The following IER3IP1 variants were observed in gnomAD, a reference collection of about 807,000 sequenced individuals.
IER3IP1 encodes the protein immediate early response 3-interacting protein 1.
Under a neutral mutation model 12.2 loss-of-function variants are expected in IER3IP1, and 16 were observed. The ratio of observed to expected loss-of-function variants is 1.31; its 90% confidence interval spans 0.89 to 1.99. The LOEUF (loss-of-function observed/expected upper bound fraction) is 1.99, where lower values mean the gene tolerates loss of function less well. IER3IP1 is among the 30% of genes most tolerant of loss of function. The probability of loss-of-function intolerance (pLI) is 0.00; values close to 1 mark genes in which losing one functional copy is unlikely to be tolerated. For missense variants in IER3IP1, 95 were observed against 95.8 expected (o/e 0.99, Z 0.03); for synonymous variants, 42 against 40.0 (o/e 1.05, Z -0.19).
At position 47,153,226 on chromosome 18, in the gene IER3IP1, T is replaced by C. The variant is rs1036123614; in HGVS notation, c.*2951A>G. On this transcript the variant is annotated 3_prime_UTR_variant, in exon 3 of 3. Transcript: ENST00000256433. ...GAAGGTGGGGGAACTCATTTAGCTT[T>C]TTATTTCAATAGCTTTAGGGGTACA... 1 of 152,202 alleles carries C rather than the reference T, an allele frequency of 6.6e-6. No homozygotes were observed. The highest frequency in any genetic ancestry group is 1.5e-5 in the Non-Finnish European group (1 of 68,094). 9.4% of individuals were successfully genotyped at this position (152,202 alleles called of 1,614,324 possible).
chr18:47,154,444 C>T lies in IER3IP1; in HGVS notation c.*1733G>A, dbSNP rs1395234825. The stretch of plus-strand genomic sequence containing the variant: ...CCTGATGGAATATTTGGACAAAATC[C>T]CAACACTGAATTAAGATGAAGGTAT... On this transcript the variant is annotated 3_prime_UTR_variant, in exon 3 of 3. Coordinates refer to ENST00000256433, the MANE Select transcript of IER3IP1 (RefSeq NM_016097.5). 2 of 152,158 alleles carry T rather than the reference C, an allele frequency of 1.3e-5. No individual in the cohort carries two copies. The highest frequency in any genetic ancestry group is 4.8e-5 in the African/African-American group (2 of 41,430). 9.4% of individuals were successfully genotyped at this position (152,158 alleles called of 1,614,324 possible). A position where few individuals can be genotyped will look rare whatever the true frequency, so the allele number is the denominator to read the frequency against.
rs1208664180 is a variant in IER3IP1 at position 47,168,141 on chromosome 18, A to T, written c.91+8046T>A. 1.8e-3 allele frequency among the ~76,000 whole-genome samples: 255 copies of T among 142,466 alleles called. 2 individuals carry two copies. Among genetic ancestry groups the T allele is most frequent in the African/African-American group, 6.7e-3 (253 of 37,854 alleles). 93.5% of individuals were successfully genotyped at this position (142,466 alleles called of 152,430 possible). ...ACTCCGTCTCAAAAAAAAAAAAAAA[A>T]AAAAAAAAAAAAAATTTTAGCTAGG... On this transcript the variant is annotated intron_variant, in intron 1 of 2. Coordinates refer to ENST00000256433, the MANE Select transcript of IER3IP1 (RefSeq NM_016097.5).
At position 47,155,301 on chromosome 18, in the gene IER3IP1, C is replaced by G. The variant is rs2063954510; in HGVS notation, c.*876G>C. On this transcript the variant is annotated 3_prime_UTR_variant, in exon 3 of 3. Coordinates refer to ENST00000256433, the MANE Select transcript of IER3IP1 (RefSeq NM_016097.5). ...ATTAAGAATCACACTCCACAATGTG[C>G]TGCTCCACCAAGAAATAGAAATGTA... is the stretch of plus-strand genomic sequence containing the variant. The G allele has an allele frequency of 6.6e-6, 1 of 152,198 alleles. No homozygotes were observed. Among genetic ancestry groups the G allele is most frequent in the African/African-American group, 2.4e-5 (1 of 41,446 alleles). 9.4% of individuals were successfully genotyped at this position (152,198 alleles called of 1,614,324 possible).
At position 47,156,188 on chromosome 18, in the gene IER3IP1, A is replaced by G. The variant is rs370448745; in HGVS notation, c.238T>C (p.Leu80=). 1.0e-5 allele frequency: 16 copies of G among 1,553,996 alleles called. No individual in the cohort carries two copies. The African/African-American group carries it at 1.9e-4, about 18-fold the overall frequency. Residue 80 remains leucine, a synonymous_variant, in exon 3 of 3, where the codon TTA becomes CTA. Transcript: ENST00000256433. Reference sequence around the variant, plus strand: ...TTCTCCACTGATATTCATCCAAATAATAAAAGTAACACAATTGCAATTGAG... The same window carrying G: ...TTCTCCACTGATATTCATCCAAATAGTAAAAGTAACACAATTGCAATTGAG... ...VNSIAIVLLL[L]FG
intron 1 of IER3IP1, among the ~76,000 whole-genome samples, chr18:47,167,892 C>T (rs1227094346): frequency 2.0e-5 from 3 of 151,652 alleles, no homozygotes; most frequent in South Asian, 2.1e-4. Context: ...AGGAAGCCGA[C>T]GCGGGTGGAT....
chr18:47,157,233 T>A (rs1355300669), intron 2 of IER3IP1: 1 of 602,582 alleles, frequency 1.7e-6, no homozygotes, highest in Non-Finnish European at 2.9e-6. Context: ...AGCATTCTAT[T>A]TGTACCAACT....
At chr18:47,167,993 G>GGCA (rs1385495139) in intron 1 of IER3IP1, among the ~76,000 whole-genome samples, 1 of 151,614 alleles carries the variant, frequency 6.6e-6, no homozygotes, top group Non-Finnish European at 1.5e-5. Flanking sequence ...GCGTGGTGGC[G>GGCA]GCAGCACCTG....
At chr18:47,169,309 A>G (rs79395141) in intron 1 of IER3IP1, among the ~76,000 whole-genome samples, 7,994 of 152,286 alleles carry the variant, frequency 0.052, 257 homozygotes, top group East Asian at 0.092. Context: ...TCTACAGTAT[A>G]GATATCTACA....
Position 47,155,931 on chromosome 18 carries a change from A to G in IER3IP1, c.*246T>C. ...CACCACAGCATGAACTACTATTAAC[A>G]CTGAGCAATCAGATATTCCAGTCCT... On this transcript the variant is annotated 3_prime_UTR_variant, in exon 3 of 3. Coordinates refer to ENST00000256433, the MANE Select transcript of IER3IP1 (RefSeq NM_016097.5). 2 of 451,526 alleles carry G rather than the reference A, an allele frequency of 4.4e-6. No individual in the cohort carries two copies. Among genetic ancestry groups the G allele is most frequent in the East Asian group, 7.9e-5 (2 of 25,398 alleles). The allele number at this position is 451,526 out of a possible 1,614,324, so 28.0% of individuals were successfully genotyped here. A position where few individuals can be genotyped will look rare whatever the true frequency, so the allele number is the denominator to read the frequency against.
intron 1 of IER3IP1, among the ~76,000 whole-genome samples, chr18:47,158,865 G>A (rs2063970263): frequency 6.6e-6 from 1 of 152,044 alleles, no homozygotes; most frequent in East Asian, 2.0e-4. Flanking sequence ...GGAGGCTGAG[G>A]TGAGAGGATC....
At chr18:47,164,678 A>C (rs1176969085) in intron 1 of IER3IP1, among the ~76,000 whole-genome samples, 2 of 151,750 alleles carry the variant, frequency 1.3e-5, no homozygotes, top group Non-Finnish European at 2.9e-5. Context: ...GCTACTCAGG[A>C]GGCTGAGGTG....
In IER3IP1 at chr18:47,155,222, A is replaced by G. The variant is rs1017200504; in HGVS notation, c.*955T>C. 2.6e-5 allele frequency: 4 copies of G among 152,228 alleles called. No individual in the cohort carries two copies. The highest frequency in any genetic ancestry group is 9.6e-5 in the African/African-American group (4 of 41,470). The allele number at this position is 152,228 out of a possible 1,614,324, so 9.4% of individuals were successfully genotyped here. On this transcript the variant is annotated 3_prime_UTR_variant, in exon 3 of 3. Coordinates refer to ENST00000256433, the MANE Select transcript of IER3IP1 (RefSeq NM_016097.5). ...TCTCACAAGATGGTCTGAGACATAA[A>G]AACAAAAGACAACCTATCCAGCATC... is the stretch of plus-strand genomic sequence containing the variant.
chr18:47,156,279 G>C (rs749939334), intron 2 of IER3IP1, 47 bp from the exon 3 acceptor site: 3 of 998,062 alleles, frequency 3.0e-6, no homozygotes. Context: ...AAAAAACAGA[G>C]AAAAAACCAG....
chr18:47,171,944 C>T (rs2064016835), intron 1 of IER3IP1, among the ~76,000 whole-genome samples: 1 of 151,990 alleles, frequency 6.6e-6, no homozygotes, highest in South Asian at 2.1e-4. Context: ...CCACACCCAG[C>T]TAATTTTTTG....
At position 47,152,842 on chromosome 18, in the gene IER3IP1, A is replaced by G. The variant is rs1055283431; in HGVS notation, c.*3335T>C. The G allele has an allele frequency of 3.3e-5, 5 of 152,248 alleles. No homozygotes were observed. The highest frequency in any genetic ancestry group is 9.6e-5 in the African/African-American group (4 of 41,458). The allele number at this position is 152,248 out of a possible 1,614,324, so 9.4% of individuals were successfully genotyped here. The stretch of plus-strand genomic sequence containing the variant: ...AATCAATGAGAAAGTGATTTGCTTC[A>G]TAAGAAACATTTTACTTAAGGAGAA... On this transcript the variant is annotated 3_prime_UTR_variant, in exon 3 of 3. Coordinates refer to ENST00000256433, the MANE Select transcript of IER3IP1 (RefSeq NM_016097.5).
intron 1 of IER3IP1, among the ~76,000 whole-genome samples, chr18:47,163,650 T>TAAGGAATGGGGCTCAGGTCGAG (rs1479847737): frequency 3.3e-5 from 5 of 152,204 alleles, no homozygotes; most frequent in African/African-American, 1.2e-4. Context: ...AGTTTGCTTC[T>TAAGGAATGGGGCTCAGGTCGAG]AAGGAATGGG....
intron 1 of IER3IP1, among the ~76,000 whole-genome samples, chr18:47,166,859 T>C (rs1239531774): frequency 3.9e-5 from 6 of 152,194 alleles, no homozygotes; most frequent in Non-Finnish European, 8.8e-5. Context: ...AAAACATATT[T>C]AGATATTTTT....
At chr18:47,160,860 T>C (rs1220704834) in intron 1 of IER3IP1, among the ~76,000 whole-genome samples, 2 of 152,214 alleles carry the variant, frequency 1.3e-5, no homozygotes, top group Non-Finnish European at 2.9e-5. Context: ...ATTTATTAAT[T>C]TTGAGTTGAG....
At chr18:47,167,115 G>C (rs182536008) in intron 1 of IER3IP1, among the ~76,000 whole-genome samples, 5 of 151,990 alleles carry the variant, frequency 3.3e-5, no homozygotes, top group African/African-American at 4.8e-5. Context: ...CAGTGGCGCA[G>C]TGTCAGCTCA....
Sources: allele counts gnomAD v4.1 joint callset (sites outside exome capture counted in the v4.1 genomes callset), GRCh38; gene constraint gnomAD v4.1.1; transcripts MANE v1.5; gene names NCBI Gene and HGNC (gene_info 2026-07-23, HGNC 2026-07-21).